The following LEMD3 variants were observed in gnomAD, a reference collection of about 807,000 sequenced individuals.
The protein encoded by LEMD3 is inner nuclear membrane protein Man1.
In LEMD3, 33 loss-of-function variants were observed where a neutral mutation model predicts 95.2. That is an observed-to-expected ratio of 0.35 (90% CI 0.26 to 0.46). LEMD3 has a LOEUF of 0.46. Ranked by LOEUF, LEMD3 falls within the 20% of genes least tolerant of loss-of-function variation. LEMD3 has a pLI of 1.00. For synonymous variants in LEMD3, 525 were observed against 474.6 expected (o/e 1.11, Z -1.38); for missense variants, 1,210 against 1,192.8 (o/e 1.01, Z -0.21).
intron 1 of LEMD3, among the ~76,000 whole-genome samples, chr12:65,173,435 G>A (rs1868617670): frequency 1.3e-5 from 2 of 152,220 alleles, no homozygotes; most frequent in Non-Finnish European, 1.5e-5. Context: ...TAAATGTGAA[G>A]TAATCTGGGC....
chr12:65,215,954 A>G (rs199601690), intron 2 of LEMD3, 23 bp from the exon 3 acceptor site: 16 of 1,137,180 alleles, frequency 1.4e-5, no homozygotes, highest in Non-Finnish European at 2.1e-5. Context: ...TGGGTATTTC[A>G]TAATAACTTC....
chr12:65,204,102 A>G (rs767191231), intron 1 of LEMD3, among the ~76,000 whole-genome samples: 5 of 151,522 alleles, frequency 3.3e-5, no homozygotes, highest in Non-Finnish European at 5.9e-5. Context: ...TAATTGGTGC[A>G]TTTAAACTGT....
chr12:65,177,563 G>A (rs7312038), intron 1 of LEMD3, among the ~76,000 whole-genome samples: 63,606 of 151,828 alleles, frequency 0.42, 13,432 homozygotes, highest in Admixed American at 0.48. Context: ...GTAGGCTCTT[G>A]TAGATACAGA....
At chr12:65,234,628 A>G (rs1381361874) in intron 4 of LEMD3, among the ~76,000 whole-genome samples, 1 of 152,074 alleles carries the variant, frequency 6.6e-6, no homozygotes, top group Non-Finnish European at 1.5e-5. Flanking sequence ...GTTTTCTTGT[A>G]TTCCAGATAA....
At chr12:65,220,738 T>C (rs183883231) in intron 4 of LEMD3, among the ~76,000 whole-genome samples, 5 of 152,346 alleles carry the variant, frequency 3.3e-5, no homozygotes, top group Admixed American at 2.6e-4. Flanking sequence ...TTGGAGTTGA[T>C]TTTTGTGTAC....
At chr12:65,220,123 A>G (rs1455697507) in intron 4 of LEMD3, among the ~76,000 whole-genome samples, 2 of 152,200 alleles carry the variant, frequency 1.3e-5, no homozygotes, top group East Asian at 1.9e-4. Flanking sequence ...AGGAACCTCC[A>G]TACTGTTTTC....
chr12:65,218,782 A>C (rs1244618834), intron 4 of LEMD3, among the ~76,000 whole-genome samples, 163 bp downstream of exon 4: 1 of 140,146 alleles, frequency 7.1e-6, no homozygotes, highest in Non-Finnish European at 1.5e-5. Context: ...AAATTGTTCA[A>C]CTTTTTTTTT....
chr12:65,244,150 T>C (rs1871020637), intron 10 of LEMD3, among the ~76,000 whole-genome samples: 1 of 152,226 alleles, frequency 6.6e-6, no homozygotes, highest in Non-Finnish European at 1.5e-5. Context: ...AATTACAATA[T>C]GTATACAATA....
Position 65,170,915 on chromosome 12 carries a change from C to A in LEMD3, c.1319C>A (p.Thr440Lys), listed in dbSNP as rs747480471. 1.9e-6 allele frequency: 3 copies of A among 1,614,226 alleles called. No individual in the cohort carries two copies. In the African/African-American group the frequency reaches 4.0e-5, roughly 22 times the overall value. Reference sequence around the variant, plus strand: ...TCCAATCATACCTACCTGAAAAACACATACAACAAACCGAAGCTTTCCGAA... The same window carrying A: ...TCCAATCATACCTACCTGAAAAACAAATACAACAAACCGAAGCTTTCCGAA... ...TGSNHTYLKN[T>K]YNKPKLSEPE... Residue 440 changes from threonine (T) to lysine (K), a missense_variant, in exon 1 of 13, where the codon ACA (threonine) becomes AAA (lysine). Coordinates refer to ENST00000308330, the MANE Select transcript of LEMD3 (RefSeq NM_014319.5).
intron 2 of LEMD3, among the ~76,000 whole-genome samples, chr12:65,212,555 A>T (rs1463192025): frequency 2.0e-5 from 3 of 151,474 alleles, no homozygotes; most frequent in Non-Finnish European, 4.4e-5. Flanking sequence ...AAAAAAAAAA[A>T]ATTCCTTGAA....
intron 1 of LEMD3, among the ~76,000 whole-genome samples, chr12:65,172,473 ACAGT>A (rs1051951530): frequency 3.9e-5 from 6 of 152,330 alleles, no homozygotes; most frequent in African/African-American, 1.4e-4. Context: ...CAATTCCGAG[ACAGT>A]CAAATAATAG....
At chr12:65,184,691 AC>A (rs1469550952) in intron 1 of LEMD3, among the ~76,000 whole-genome samples, 1 of 152,096 alleles carries the variant, frequency 6.6e-6, no homozygotes, top group Non-Finnish European at 1.5e-5. Flanking sequence ...TGGCAAATAA[AC>A]GTTTTATGCT....
At chr12:65,212,315 C>G (rs964645160) in intron 2 of LEMD3, among the ~76,000 whole-genome samples, 4 of 152,098 alleles carry the variant, frequency 2.6e-5, no homozygotes, top group African/African-American at 9.7e-5. Flanking sequence ...CAGAGCCAAA[C>G]CATATCACAA....
chr12:65,169,830 C>G lies in LEMD3; in HGVS notation c.234C>G (p.Ala78=), dbSNP rs753825048. 4.1e-6 allele frequency: 6 copies of G among 1,473,088 alleles called. No homozygotes were observed. Among genetic ancestry groups the G allele is most frequent in the Non-Finnish European group, 9.0e-7 (1 of 1,108,492 alleles). The allele number at this position is 1,473,088 out of a possible 1,614,324, so 91.3% of individuals were successfully genotyped here. Reference sequence around the variant, plus strand: ...ACACGGCAGCCGCCACGGTCGCAGCCGCGGGACCAGCGGCGGCGGCGGCCG... The same window carrying G: ...ACACGGCAGCCGCCACGGTCGCAGCGGCGGGACCAGCGGCGGCGGCGGCCG... ...NNNTAAATVA[A]AGPAAAAAAG... Residue 78 remains alanine, a synonymous_variant, in exon 1 of 13, where the codon GCC becomes GCG. Coordinates refer to ENST00000308330, the MANE Select transcript of LEMD3 (RefSeq NM_014319.5).
Position 65,197,841 on chromosome 12 carries a change from A to G in LEMD3, c.1523-13085A>G, listed in dbSNP as rs549447605. Among the ~76,000 whole-genome samples the G allele has an allele frequency of 3.3e-5, 5 of 152,098 alleles. No homozygotes were observed. In the East Asian group the frequency reaches 5.8e-4, roughly 18 times the overall value. ...TTCAGTGAATGGAGGGGAAACTACTACTATTTAAGTCTTACTCATTTTATT... is the reference window on the plus strand; with the variant it reads ...TTCAGTGAATGGAGGGGAAACTACTGCTATTTAAGTCTTACTCATTTTATT... On this transcript the variant is annotated intron_variant, in intron 1 of 12. Coordinates refer to ENST00000308330, the MANE Select transcript of LEMD3 (RefSeq NM_014319.5).
chr12:65,178,254 G>T (rs900686383), intron 1 of LEMD3, among the ~76,000 whole-genome samples: 1 of 151,350 alleles, frequency 6.6e-6, no homozygotes, highest in Admixed American at 6.6e-5. Flanking sequence ...GAATATTCCC[G>T]TGAATGCCAG....
At chr12:65,201,089 A>G (rs1413124969) in intron 1 of LEMD3, among the ~76,000 whole-genome samples, 1 of 152,132 alleles carries the variant, frequency 6.6e-6, no homozygotes, top group African/African-American at 2.4e-5. Context: ...TTGTTCCTTT[A>G]TCAAAGATCA....
rs749588384 is a variant in LEMD3 at position 65,215,966 on chromosome 12, C to G, written c.1561-11C>G. 3.9e-6 allele frequency: 5 copies of G among 1,292,786 alleles called. No individual in the cohort carries two copies. The African/African-American group carries it at 6.0e-5, about 16-fold the overall frequency. The allele number at this position is 1,292,786 out of a possible 1,614,324, so 80.1% of individuals were successfully genotyped here. On this transcript the variant is annotated splice_polypyrimidine_tract_variant and intron_variant, in intron 2 of 12. Transcript: ENST00000308330. ...AATTGGGTATTTCATAATAACTTCTCTTAATTTTAGGAAAGTGAAAAAACT... is the reference window on the plus strand; with the variant it reads ...AATTGGGTATTTCATAATAACTTCTGTTAATTTTAGGAAAGTGAAAAAACT...
chr12:65,194,515 G>A (rs1306838564), intron 1 of LEMD3, among the ~76,000 whole-genome samples: 1 of 151,764 alleles, frequency 6.6e-6, no homozygotes, highest in African/African-American at 2.4e-5. Context: ...TTCTAGGTAG[G>A]GGCTACAAGG....
Sources: gnomAD v4.1 joint callset for allele counts (sites outside exome capture counted in the v4.1 genomes callset) on GRCh38, gnomAD v4.1.1 for gene constraint, MANE v1.5 for transcripts, NCBI Gene and HGNC (gene_info 2026-07-23, HGNC 2026-07-21) for gene names.